Variants in PRR4 observed in about 807,000 individuals in gnomAD.
The protein encoded by PRR4 is proline rich 4, also known as proline-rich protein 4.
A neutral mutation model predicts 7.6 loss-of-function variants in PRR4; 7 were observed. The ratio of observed to expected loss-of-function variants is 0.92; its 90% CI spans 0.52 to 1.73. PRR4 has a LOEUF of 1.73. PRR4 is among the 40% of genes most tolerant of loss of function. The pLI, the probability that PRR4 is intolerant of heterozygous loss-of-function variation, is 0.00. For synonymous variants in PRR4, 64 were observed against 58.5 expected, an observed-to-expected ratio of 1.09 and a Z score of -0.43; for missense variants, 187 against 161.0, an observed-to-expected ratio of 1.16 and a Z score of -0.87.
intron 2 of PRR4, 84 bp from the exon 3 acceptor site, chr12:10,847,451 A>G: frequency 9.1e-7 from 1 of 1,102,338 alleles, no homozygotes; most frequent in Non-Finnish European, 1.3e-6. Flanking sequence ...ACCTTACCAC[A>G]CAGCCCTGTT....
rs1356076086 is a variant in PRR4, at chr12:10,848,594, C to T, written c.65-187G>A. The T allele has an allele frequency of 6.8e-5, 34 of 497,764 alleles. 1 individual carries two copies. The South Asian group carries it at 1.3e-3, about 19-fold the overall frequency. 30.8% of individuals were successfully genotyped at this position (497,764 alleles called of 1,614,324 possible). A position where few individuals can be genotyped will look rare whatever the true frequency, so the allele number is the denominator to read the frequency against. ...AGGGGAGGCAGGATTGTTACTATCG[C>T]TGAGCATCAACCACGAATTCAATAG... is the stretch of plus-strand genomic sequence containing the variant. On this transcript the variant is annotated intron_variant, in intron 1 of 3. Coordinates refer to ENST00000228811, the MANE Select transcript of PRR4 (RefSeq NM_007244.3).
intron 3 of PRR4, among the ~76,000 whole-genome samples, chr12:10,846,648 T>A (rs1949021487): frequency 6.6e-6 from 1 of 152,042 alleles, no homozygotes; most frequent in Non-Finnish European, 1.5e-5. Context: ...GAGAGGCTAG[T>A]GTGAGGCAGG....
At chr12:10,848,477 G>C in intron 1 of PRR4, 70 bp from the exon 2 acceptor site, 1 of 1,472,438 alleles carries the variant, frequency 6.8e-7, no homozygotes, top group East Asian at 2.3e-5. Context: ...GTGGTCTATA[G>C]GGAAAGGGGT....
intron 2 of PRR4, 85 bp downstream of exon 2, chr12:10,848,287 G>C: frequency 7.3e-7 from 1 of 1,368,060 alleles, no homozygotes; most frequent in Non-Finnish European, 1.0e-6. Flanking sequence ...AAAAAATGAT[G>C]AGAAGAAGAC....
chr12:10,845,957 CAA>C lies in PRR4; in HGVS notation c.*19-9_*19-8del, dbSNP rs71434160. ...TTATCTTCTTATTTATTTTCTGAAA[CAA>C]AAAAAAAAACCAAGGAAATTTATAC... On this transcript the variant is annotated splice_region_variant and splice_polypyrimidine_tract_variant and intron_variant, in intron 3 of 3. Transcript: ENST00000228811. The C allele has an allele frequency of 7.7e-5, 80 of 1,037,686 alleles. No homozygotes were observed. The highest frequency in any genetic ancestry group is 2.2e-4 in the South Asian group (9 of 41,562). 64.3% of individuals were successfully genotyped at this position (1,037,686 alleles called of 1,614,324 possible). A position where few individuals can be genotyped will look rare whatever the true frequency, so the allele number is the denominator to read the frequency against.
In PRR4 at chr12:10,849,355, A is replaced by G. The variant is rs775040339; in HGVS notation, c.64+19T>C. 1.3e-6 allele frequency: 2 copies of G among 1,556,936 alleles called. No homozygotes were observed. The stretch of plus-strand genomic sequence containing the variant: ...CATCCCACTCCCCATCTCCTTTTTT[A>G]AAAAAATAATTTTTTTACCATTATC... On this transcript the variant is annotated intron_variant, in intron 1 of 3. Transcript: ENST00000228811.
chr12:10,847,125 C>T lies in PRR4; in HGVS notation c.343G>A (p.Ala115Thr), dbSNP rs1356498413. The T allele has an allele frequency of 1.2e-6, 2 of 1,612,876 alleles. No individual in the cohort carries two copies. Among genetic ancestry groups the T allele is most frequent in the Non-Finnish European group, 1.7e-6 (2 of 1,179,376 alleles). Residue 115 changes from alanine (A) to threonine (T), a missense_variant, in exon 3 of 4, where the codon GCA becomes ACA. Ala to Thr is a moderately conservative substitution (Grantham distance 58, BLOSUM62 0). Coordinates refer to ENST00000228811, the MANE Select transcript of PRR4 (RefSeq NM_007244.3). ...CTGTCCCTCTGGAAGAATGATGATG[C>T]TTCCTGCAGGCTGACAGAAGGAAAT... ...PRFPSVSLQEASSFFQRDRPA... is the reference protein window; with the variant it reads ...PRFPSVSLQETSSFFQRDRPA...
intron 1 of PRR4, chr12:10,848,767 G>T: frequency 4.5e-6 from 1 of 222,014 alleles, no homozygotes. Flanking sequence ...TGCCCAAGAG[G>T]AGCAACCAGG....
intron 1 of PRR4, 96 bp downstream of exon 1, chr12:10,849,278 G>A (rs915403012): frequency 4.8e-5 from 27 of 566,594 alleles, no homozygotes; most frequent in Middle Eastern, 6.8e-4. Flanking sequence ...CTGCTCTTCC[G>A]CTGCAGTGGT....
intron 1 of PRR4, chr12:10,848,721 T>C: frequency 3.3e-6 from 1 of 301,468 alleles, no homozygotes; most frequent in Non-Finnish European, 6.0e-6. Flanking sequence ...CTTTACCTTC[T>C]TCCTTCTTTA....
intron 3 of PRR4, among the ~76,000 whole-genome samples, 188 bp from the exon 4 acceptor site, chr12:10,846,138 A>T (rs1252384888): frequency 1.3e-5 from 2 of 152,224 alleles, no homozygotes; most frequent in Admixed American, 1.3e-4. Flanking sequence ...AAATGACTGC[A>T]ACTTGAACCT....
Position 10,847,327 on chromosome 12 carries a change from C to T in PRR4, c.141G>A (p.Gln47=), listed in dbSNP as rs368685008. Residue 47 remains glutamine (Q), a synonymous_variant, in exon 3 of 4, where the codon CAG becomes CAA. Transcript: ENST00000228811. ...GTAGGAGTCCTTCAGGAGGAGGTCT[C>T]TGGGGTCCCTGATCTGGTCTCTGAC... ...DSSQRPDQGP[Q]RPPPEGLLPR... is the part of the protein sequence containing the mutation. 41 of 1,572,026 alleles carry T rather than the reference C, an allele frequency of 2.6e-5. No individual in the cohort carries two copies. In the African/African-American group the frequency reaches 5.4e-4, roughly 21 times the overall value.
rs774193358 is a variant in PRR4 at position 10,847,132 on chromosome 12, C to G, written c.336G>C (p.Leu112=). The G allele has an allele frequency of 6.2e-7, 1 of 1,613,060 alleles. No individual in the cohort carries two copies. Among genetic ancestry groups the G allele is most frequent in the South Asian group, 1.1e-5 (1 of 90,838 alleles). The part of the protein sequence containing the change: ...LSLPRFPSVS[L]QEASSFFQRD... ...TCTGGAAGAATGATGATGCTTCCTG[C>G]AGGCTGACAGAAGGAAATCGGGGTA... is the stretch of plus-strand genomic sequence containing the variant. Residue 112 remains leucine (L), a synonymous_variant, in exon 3 of 4, where the codon CTG becomes CTC. Coordinates refer to ENST00000228811, the MANE Select transcript of PRR4 (RefSeq NM_007244.3).
In PRR4 at chr12:10,847,241, G is replaced by T; in HGVS notation, c.227C>A (p.Pro76Gln). Residue 76 changes from proline (P) to glutamine (Q), a missense_variant, in exon 3 of 4, where the codon CCA (proline) becomes CAA (glutamine). Pro to Gln is a moderately conservative substitution (Grantham distance 76, BLOSUM62 -1). Coordinates refer to ENST00000228811, the MANE Select transcript of PRR4 (RefSeq NM_007244.3). ...DDGPQQRPPKPGGHHRHPPPP... is the reference protein window; with the variant it reads ...DDGPQQRPPKQGGHHRHPPPP... ...GGGAGGATGGCGGTGATGGCCTCCT[G>T]GTTTTGGTGGTCTCTGCTGAGGACC... 6.2e-7 allele frequency: 1 copy of T among 1,613,752 alleles called. No homozygotes were observed. The highest frequency in any genetic ancestry group is 2.2e-5 in the East Asian group (1 of 44,858).
rs750454758 is a variant in PRR4, at chr12:10,849,383, T to A, written c.55A>T (p.Thr19Ser). ...AAAATAATTTTTTTACCATTATCTG[T>A]GCTCTGAGCTGAGCTCAGAGCCAGA... is the stretch of plus-strand genomic sequence containing the variant. ...VLLALSSAQS[T>S]DNDVNYEDFT... The change falls in exon 1 of 4, where the codon ACA becomes TCA. Residue 19 changes from threonine (T) to serine (S), a missense_variant. Physicochemically the swap from Thr to Ser is moderately conservative, Grantham distance 58. Coordinates refer to ENST00000228811, the MANE Select transcript of PRR4 (RefSeq NM_007244.3). 3 of 1,599,924 alleles carry A rather than the reference T, an allele frequency of 1.9e-6. No individual in the cohort carries two copies. In the South Asian group the frequency reaches 3.3e-5, roughly 18 times the overall value.
At chr12:10,849,322 TG>T in intron 1 of PRR4, 51 bp downstream of exon 1, 1 of 1,212,820 alleles carries the variant, frequency 8.2e-7, no homozygotes. Context: ...AGAAGAGTCA[TG>T]GCCCCTCATC....
rs774193358 is a variant in PRR4, at chr12:10,847,132, C to T, written c.336G>A (p.Leu112=). 6.1e-5 allele frequency: 98 copies of T among 1,612,942 alleles called. No homozygotes were observed. The highest frequency in any genetic ancestry group is 1.0e-4 in the Admixed American group (6 of 59,948). ...TCTGGAAGAATGATGATGCTTCCTGCAGGCTGACAGAAGGAAATCGGGGTA... is the reference window on the plus strand; with the variant it reads ...TCTGGAAGAATGATGATGCTTCCTGTAGGCTGACAGAAGGAAATCGGGGTA... The part of the protein sequence containing the change: ...LSLPRFPSVS[L]QEASSFFQRD... The change falls in exon 3 of 4, where the codon CTG becomes CTA. Residue 112 remains leucine (L), a synonymous_variant. Coordinates refer to ENST00000228811, the MANE Select transcript of PRR4 (RefSeq NM_007244.3).
In PRR4 at chr12:10,847,379, AT is replaced by A. The variant is rs745341263; in HGVS notation, c.101-13del. On this transcript the variant is annotated splice_polypyrimidine_tract_variant and intron_variant, in intron 2 of 3. Coordinates refer to ENST00000228811, the MANE Select transcript of PRR4 (RefSeq NM_007244.3). Reference sequence around the variant, plus strand: ...TGAGTCCTCTACATCTGTGTGAGTAATTAATGGACAAGAATGCATGAGCTCA... The same window carrying A: ...TGAGTCCTCTACATCTGTGTGAGTAATAATGGACAAGAATGCATGAGCTCA... 2.1e-5 allele frequency: 31 copies of A among 1,472,626 alleles called. No individual in the cohort carries two copies. The highest frequency in any genetic ancestry group is 2.5e-5 in the Non-Finnish European group (28 of 1,104,976). The allele number at this position is 1,472,626 out of a possible 1,614,324, so 91.2% of individuals were successfully genotyped here. A position where few individuals can be genotyped will look rare whatever the true frequency, so the allele number is the denominator to read the frequency against.
At chr12:10,847,785 A>G (rs563714117) in intron 2 of PRR4, among the ~76,000 whole-genome samples, 19 of 152,204 alleles carry the variant, frequency 1.2e-4, no homozygotes, top group African/African-American at 4.3e-4. Context: ...CCTAAGCCCT[A>G]TGTGGAAACT....
Sources: allele counts gnomAD v4.1 joint callset (sites outside exome capture counted in the v4.1 genomes callset), GRCh38; gene constraint gnomAD v4.1.1; transcripts MANE v1.5; gene names NCBI Gene and HGNC (gene_info 2026-07-23, HGNC 2026-07-21).